Variants in FMN1 observed in about 807,000 individuals in gnomAD.
FMN1 encodes formin 1, also known as formin-1.
A neutral mutation model predicts 132.4 loss-of-function variants in FMN1; 110 were observed. That is an observed-to-expected ratio of 0.83 (90% CI 0.71 to 0.97). The LOEUF (loss-of-function observed/expected upper bound fraction) is 0.97, where lower values mean the gene tolerates loss of function less well. Among genes scored for constraint, FMN1 ranks in the 50% least tolerant of loss-of-function variants. The probability of loss-of-function intolerance (pLI) is 0.00; values close to 1 mark genes in which losing one functional copy is unlikely to be tolerated. For missense variants in FMN1, 1,792 were observed against 1,705.3 expected (o/e 1.05, Z -0.90); for synonymous variants, 722 against 651.7 (o/e 1.11, Z -1.64).
At chr15:33,193,673 T>A (rs757253956) in intron 2 of FMN1, among the ~76,000 whole-genome samples, 7 of 151,988 alleles carry the variant, frequency 4.6e-5, no homozygotes, top group Non-Finnish European at 8.8e-5. Flanking sequence ...AGTGTGTGAG[T>A]GCTAACATGG....
intron 16 of FMN1, among the ~76,000 whole-genome samples, chr15:32,865,411 A>G (rs188667589): frequency 6.6e-5 from 10 of 152,256 alleles, no homozygotes; most frequent in South Asian, 2.1e-4. Context: ...AGGTGCAACT[A>G]TGTCTTCATT....
At chr15:32,923,098 C>T (rs1446062631) in intron 10 of FMN1, among the ~76,000 whole-genome samples, 2 of 152,154 alleles carry the variant, frequency 1.3e-5, no homozygotes, top group Admixed American at 6.5e-5. Flanking sequence ...TCCCTCTGGG[C>T]TTTGTGCATG....
intron 17 of FMN1, among the ~76,000 whole-genome samples, chr15:32,809,420 G>C (rs2057795263): frequency 6.6e-6 from 1 of 152,066 alleles, no homozygotes; most frequent in Non-Finnish European, 1.5e-5. Flanking sequence ...GTTCTCACTG[G>C]TTCCCCCTCT....
intron 7 of FMN1, among the ~76,000 whole-genome samples, chr15:32,998,179 CT>C (rs2033889979): frequency 6.6e-6 from 1 of 152,298 alleles, no homozygotes. Context: ...CGTCTCTGGG[CT>C]GTATTTGATG....
intron 17 of FMN1, among the ~76,000 whole-genome samples, chr15:32,853,580 C>T (rs573133438): frequency 5.3e-5 from 8 of 152,208 alleles, no homozygotes; most frequent in South Asian, 2.1e-4. Context: ...GAAATATCTA[C>T]GCAATAAATG....
chr15:33,131,044 A>G (rs1399425921), intron 4 of FMN1, among the ~76,000 whole-genome samples: 1 of 152,192 alleles, frequency 6.6e-6, no homozygotes, highest in East Asian at 1.9e-4. Context: ...AAAAAGCTGT[A>G]TTAGGCCGGG....
At chr15:33,122,972 G>A (rs1259554921) in intron 4 of FMN1, among the ~76,000 whole-genome samples, 2 of 151,940 alleles carry the variant, frequency 1.3e-5, no homozygotes, top group Non-Finnish European at 2.9e-5. Context: ...TATCCTGCTA[G>A]GTAATTAATG....
intron 20 of FMN1, among the ~76,000 whole-genome samples, chr15:32,776,165 C>G (rs1256843914): frequency 1.3e-5 from 2 of 152,218 alleles, no homozygotes; most frequent in African/African-American, 4.8e-5. Flanking sequence ...AGTGGCAGAG[C>G]TGTGATCTGA....
intron 10 of FMN1, among the ~76,000 whole-genome samples, chr15:32,914,119 T>C (rs951549953): frequency 6.6e-6 from 1 of 152,176 alleles, no homozygotes; most frequent in Non-Finnish European, 1.5e-5. Context: ...AATAATTAAC[T>C]TCAAAGATGA....
chr15:32,950,005 A>G (rs2061603329), intron 9 of FMN1, among the ~76,000 whole-genome samples: 1 of 15,360 alleles, frequency 6.5e-5, no homozygotes, highest in African/African-American at 2.9e-4. Context: ...ACACATACAC[A>G]TATATATATA....
At chr15:32,818,793 T>C (rs892128000) in intron 17 of FMN1, among the ~76,000 whole-genome samples, 2 of 151,818 alleles carry the variant, frequency 1.3e-5, no homozygotes, top group African/African-American at 2.4e-5. Flanking sequence ...ACGCATTCAG[T>C]AGGAAACAGA....
At chr15:32,865,820 G>C (rs1213325271) in intron 16 of FMN1, among the ~76,000 whole-genome samples, 3 of 138,928 alleles carry the variant, frequency 2.2e-5, no homozygotes, top group African/African-American at 8.1e-5. Context: ...TGGGCAACAA[G>C]AGTGAAACTC....
chr15:32,852,861 T>C (rs1234403146), intron 17 of FMN1, among the ~76,000 whole-genome samples: 2 of 152,232 alleles, frequency 1.3e-5, no homozygotes, highest in South Asian at 2.1e-4. Context: ...TCAGATTCTT[T>C]AGCAAGTCAT....
chr15:33,151,103 G>A, intron 4 of FMN1: 1 of 1,345,276 alleles, frequency 7.4e-7, no homozygotes, highest in Non-Finnish European at 9.6e-7. Flanking sequence ...AAAATCAAGA[G>A]AGAAAAGGGA....
intron 16 of FMN1, among the ~76,000 whole-genome samples, chr15:32,880,568 T>G (rs2059745462): frequency 6.6e-6 from 1 of 152,180 alleles, no homozygotes; most frequent in South Asian, 2.1e-4. Context: ...GACCTATGTC[T>G]TCCTCTTTAA....
intron 18 of FMN1, 126 bp downstream of exon 18, chr15:32,804,155 T>C (rs1202469042): frequency 2.9e-6 from 2 of 694,118 alleles, no homozygotes; most frequent in Middle Eastern, 7.8e-4. Context: ...GGGTATAAAG[T>C]TTCAGTTGGG....
chr15:32,853,955 C>T (rs1294449031), intron 17 of FMN1, among the ~76,000 whole-genome samples: 1 of 152,152 alleles, frequency 6.6e-6, no homozygotes, highest in East Asian at 1.9e-4. Flanking sequence ...GAACATGCCT[C>T]TAGACTAGCA....
At chr15:32,777,676 TTTATA>T (rs2056488662) in intron 19 of FMN1, among the ~76,000 whole-genome samples, 1 of 141,668 alleles carries the variant, frequency 7.1e-6, no homozygotes, top group Non-Finnish European at 1.5e-5. Flanking sequence ...ACATAACACA[TTTATA>T]TATTACGTAT....
intron 7 of FMN1, among the ~76,000 whole-genome samples, chr15:33,006,068 A>C (rs1160684268): frequency 6.6e-6 from 1 of 152,214 alleles, no homozygotes; most frequent in Non-Finnish European, 1.5e-5. Context: ...CAATAACATA[A>C]CATATAATCC....
Sources: gnomAD v4.1 joint callset for allele counts (sites outside exome capture counted in the v4.1 genomes callset) on GRCh38, gnomAD v4.1.1 for gene constraint, MANE v1.5 for transcripts, NCBI Gene and HGNC (gene_info 2026-07-23, HGNC 2026-07-21) for gene names.